Variants in WWOX observed in about 807,000 individuals in gnomAD.
WWOX encodes the protein WW domain-containing oxidoreductase.
A neutral mutation model predicts 46.2 loss-of-function variants in WWOX; 69 were observed. The observed-to-expected ratio is 1.49, with a 90% CI of 1.23 to 1.82. WWOX has a LOEUF of 1.82. Ranked by LOEUF, WWOX falls within the 40% of genes most tolerant of loss-of-function variation. WWOX has a pLI of 0.00. For missense variants in WWOX, 919 were observed against 542.6 expected (o/e 1.69, Z -6.89); for synonymous variants, 359 against 202.6 (o/e 1.77, Z -6.56).
intron 5 of WWOX, among the ~76,000 whole-genome samples, chr16:78,356,013 G>T (rs2081277949): frequency 7.2e-6 from 1 of 138,436 alleles, no homozygotes; most frequent in African/African-American, 2.7e-5. Flanking sequence ...AAGCTAAATG[G>T]TATTTTCGTT....
Position 78,711,873 on chromosome 16 carries a change from C to T in WWOX, c.1056+279121C>T, listed in dbSNP as rs111885410. Among the ~76,000 whole-genome samples the T allele has an allele frequency of 5.1e-3, 779 of 152,212 alleles. 4 individuals carry two copies. The highest frequency in any genetic ancestry group is 0.017 in the African/African-American group (718 of 41,526). On this transcript the variant is annotated intron_variant, in intron 8 of 8. Transcript: ENST00000566780. ...ATTCCGTAAACACATCTTACAAATT[C>T]CCTCAGTGCACGCGCCATCTAAATT... is the stretch of plus-strand genomic sequence containing the variant.
chr16:78,880,937 T>A lies in WWOX; in HGVS notation c.1057-330671T>A, dbSNP rs767746594. Among the ~76,000 whole-genome samples, 5 of 152,248 alleles carry A rather than the reference T, an allele frequency of 3.3e-5. No homozygotes were observed. The East Asian group carries it at 9.6e-4, about 29-fold the overall frequency. ...TGACTCCTGTTTTCCAAGCACTTTT[T>A]TTTTTCATTATGAGTCTATCTTTCG... On this transcript the variant is annotated intron_variant, in intron 8 of 8. Transcript: ENST00000566780.
intron 8 of WWOX, among the ~76,000 whole-genome samples, chr16:79,169,715 G>C (rs1441559323): frequency 2.6e-5 from 4 of 152,178 alleles, no homozygotes; most frequent in Non-Finnish European, 4.4e-5. Context: ...CAAATGGGTG[G>C]GTGGGCAGGA....
rs535338114 is a variant in WWOX, at chr16:78,762,923, G to A, written c.1056+330171G>A. On this transcript the variant is annotated intron_variant, in intron 8 of 8. Coordinates refer to ENST00000566780, the MANE Select transcript of WWOX (RefSeq NM_016373.4). ...TTGGTAAGTGTTATTATTGAAGGCT[G>A]AGAACAGAACGACAAACAACAATCA... Among the ~76,000 whole-genome samples, 32 of 152,338 alleles carry A rather than the reference G, an allele frequency of 2.1e-4. No homozygotes were observed. The South Asian group carries it at 6.4e-3, about 31-fold the overall frequency.
intron 8 of WWOX, among the ~76,000 whole-genome samples, chr16:78,549,375 C>G (rs1253514262): frequency 6.6e-6 from 1 of 152,156 alleles, no homozygotes; most frequent in African/African-American, 2.4e-5. Context: ...CACTTGCACT[C>G]AAAAGGTTTT....
chr16:78,822,896 T>C (rs1488822282), intron 8 of WWOX, among the ~76,000 whole-genome samples: 2 of 148,142 alleles, frequency 1.4e-5, no homozygotes, highest in Non-Finnish European at 3.0e-5. Flanking sequence ...GCAAGAAACA[T>C]CATAAAGGGG....
At chr16:78,256,288 G>C (rs2038129849) in intron 5 of WWOX, among the ~76,000 whole-genome samples, 1 of 151,804 alleles carries the variant, frequency 6.6e-6, no homozygotes, top group Non-Finnish European at 1.5e-5. Flanking sequence ...TAAATGAGGA[G>C]AACCAAAGCT....
intron 4 of WWOX, among the ~76,000 whole-genome samples, chr16:78,140,172 A>C (rs2033936651): frequency 6.6e-6 from 1 of 152,134 alleles, no homozygotes; most frequent in Non-Finnish European, 1.5e-5. Flanking sequence ...AAATGGTTTG[A>C]GTAAAATGGA....
intron 8 of WWOX, among the ~76,000 whole-genome samples, chr16:78,606,195 A>G (rs140906878): frequency 6.6e-6 from 1 of 152,356 alleles, no homozygotes; most frequent in African/African-American, 2.4e-5. Flanking sequence ...ACTTAATATA[A>G]TTAATGTAAA....
intron 6 of WWOX, among the ~76,000 whole-genome samples, chr16:78,391,709 A>G (rs889565097): frequency 2.6e-5 from 4 of 152,120 alleles, no homozygotes; most frequent in African/African-American, 9.7e-5. Flanking sequence ...TTAGCCGGGC[A>G]TGGTGATGCA....
chr16:78,858,260 C>T (rs888241389), intron 8 of WWOX, among the ~76,000 whole-genome samples: 4 of 144,242 alleles, frequency 2.8e-5, no homozygotes, highest in African/African-American at 7.8e-5. Flanking sequence ...TCTTTAGTGG[C>T]GATTTATCAG....
At chr16:78,540,104 A>G (rs1463820116) in intron 8 of WWOX, among the ~76,000 whole-genome samples, 1 of 151,112 alleles carries the variant, frequency 6.6e-6, no homozygotes, top group African/African-American at 2.4e-5. Flanking sequence ...CCACCCTCAC[A>G]CTTTTTTTAG....
intron 8 of WWOX, among the ~76,000 whole-genome samples, chr16:78,703,656 TG>T (rs1341860470): frequency 6.6e-6 from 1 of 152,034 alleles, no homozygotes; most frequent in East Asian, 1.9e-4. Flanking sequence ...TGGTTTTTTT[TG>T]GAAAAAGAAA....
chr16:78,128,319 AT>A (rs1250436916), intron 4 of WWOX, among the ~76,000 whole-genome samples: 1 of 152,180 alleles, frequency 6.6e-6, no homozygotes, highest in East Asian at 1.9e-4. Context: ...GATGACTAAA[AT>A]TTTAATGATG....
chr16:78,147,932 C>T (rs939190507), intron 4 of WWOX, among the ~76,000 whole-genome samples: 8 of 151,504 alleles, frequency 5.3e-5, no homozygotes, highest in Admixed American at 1.3e-4. Flanking sequence ...AGTCAAGGAA[C>T]GGGGTCTCTT....
At chr16:78,698,528 C>T (rs149469047) in intron 8 of WWOX, among the ~76,000 whole-genome samples, 2 of 152,290 alleles carry the variant, frequency 1.3e-5, no homozygotes, top group East Asian at 3.9e-4. Context: ...TTGAGGAGAT[C>T]TAGAATAATG....
chr16:78,794,134 T>G (rs1163699433), intron 8 of WWOX, among the ~76,000 whole-genome samples: 2 of 152,042 alleles, frequency 1.3e-5, no homozygotes, highest in African/African-American at 4.8e-5. Context: ...GCCTGCATAA[T>G]TGCATGAGTG....
At chr16:78,108,764 G>C (rs2032312323) in intron 2 of WWOX, among the ~76,000 whole-genome samples, 1 of 152,220 alleles carries the variant, frequency 6.6e-6, no homozygotes, top group Non-Finnish European at 1.5e-5. Context: ...GAGGCGGATG[G>C]ATCACCTGAG....
chr16:78,883,057 G>A (rs751033692), intron 8 of WWOX, among the ~76,000 whole-genome samples: 35 of 152,158 alleles, frequency 2.3e-4, no homozygotes, highest in Non-Finnish European at 4.1e-4. Context: ...GCACCTTAGC[G>A]GTTCGCCTTT....
Sources: allele counts gnomAD v4.1 joint callset (sites outside exome capture counted in the v4.1 genomes callset), GRCh38; gene constraint gnomAD v4.1.1; transcripts MANE v1.5; gene names NCBI Gene and HGNC (gene_info 2026-07-23, HGNC 2026-07-21).